PLPP1: variants seen among roughly 807,000 people sequenced by gnomAD.
PLPP1 encodes lipid phosphate phosphohydrolase 1a.
In PLPP1, 24 loss-of-function variants were observed where a neutral mutation model predicts 31.2. That is an observed-to-expected ratio of 0.77 (90% CI 0.56 to 1.08). PLPP1 has a LOEUF of 1.08. PLPP1 is among the 50% of genes least tolerant of loss of function. The pLI, the probability that PLPP1 is intolerant of heterozygous loss-of-function variation, is 0.00. For missense variants in PLPP1, 319 were observed against 342.7 expected (o/e 0.93, Z 0.55); for synonymous variants, 146 against 126.3 (o/e 1.16, Z -1.05).
intron 1 of PLPP1, among the ~76,000 whole-genome samples, chr5:55,482,609 A>C (rs1752694819): frequency 6.6e-6 from 1 of 152,144 alleles, no homozygotes; most frequent in Admixed American, 6.6e-5. Flanking sequence ...ATGACAAACA[A>C]ATGTGAGCAA....
At chr5:55,466,834 G>GT (rs1428971716) in intron 3 of PLPP1, among the ~76,000 whole-genome samples, 1 of 151,712 alleles carries the variant, frequency 6.6e-6, no homozygotes, top group East Asian at 1.9e-4. Flanking sequence ...AACAAAGGAT[G>GT]TTTTACCCAA....
chr5:55,485,004 G>T (rs1323736985), intron 1 of PLPP1: 1 of 152,100 alleles, frequency 6.6e-6, no homozygotes, highest in Non-Finnish European at 1.5e-5. Flanking sequence ...CATTCAGGCT[G>T]CCCCCCACCC....
intron 1 of PLPP1, chr5:55,530,010 C>G (rs1023475966): frequency 1.8e-6 from 1 of 568,928 alleles, no homozygotes; most frequent in African/African-American, 1.9e-5. Context: ...TTTTTAGAAG[C>G]CCTACCTTTA....
chr5:55,463,397 C>T (rs1752211829), intron 3 of PLPP1, among the ~76,000 whole-genome samples: 1 of 152,086 alleles, frequency 6.6e-6, no homozygotes, highest in Admixed American at 6.6e-5. Context: ...AGCGGTGGCT[C>T]ACGCGTGTAA....
chr5:55,530,433 T>C (rs777616855), intron 1 of PLPP1: 2 of 1,265,870 alleles, frequency 1.6e-6, no homozygotes, highest in Non-Finnish European at 1.2e-6. Context: ...ATAAGTAGGA[T>C]GACCAGAAGA....
intron 1 of PLPP1, among the ~76,000 whole-genome samples, chr5:55,529,636 AATAC>A (rs1478191508): frequency 1.3e-5 from 2 of 152,216 alleles, no homozygotes; most frequent in Non-Finnish European, 2.9e-5. Flanking sequence ...ATGTTATATA[AATAC>A]GATTTTCTTA....
chr5:55,464,504 G>A lies in PLPP1; in HGVS notation c.491+3365C>T, dbSNP rs116821153. Among the ~76,000 whole-genome samples, 612 of 152,098 alleles carry A rather than the reference G, an allele frequency of 4.0e-3. 4 individuals carry two copies. Among genetic ancestry groups the A allele is most frequent in the African/African-American group, 0.014 (584 of 41,496 alleles). On this transcript the variant is annotated intron_variant, in intron 3 of 5. Coordinates refer to ENST00000307259, the MANE Select transcript of PLPP1 (RefSeq NM_003711.4). Reference sequence around the variant, plus strand: ...ACCCAGCCTTGGCCTCCCAAAGTTCGGACATTACAGGTGTGAGCCACCATA... The same window carrying A: ...ACCCAGCCTTGGCCTCCCAAAGTTCAGACATTACAGGTGTGAGCCACCATA...
intron 2 of PLPP1, among the ~76,000 whole-genome samples, chr5:55,473,096 GT>G (rs1370883496): frequency 1.1e-3 from 169 of 152,296 alleles, no homozygotes; most frequent in African/African-American, 4.0e-3. Flanking sequence ...TACTAAAAAT[GT>G]TATATTTAAT....
At chr5:55,428,501 T>C (rs1043623981) in intron 4 of PLPP1, among the ~76,000 whole-genome samples, 1 of 152,206 alleles carries the variant, frequency 6.6e-6, no homozygotes, top group Non-Finnish European at 1.5e-5. Context: ...CCAGCAAAAG[T>C]TTCCTATATG....
intron 1 of PLPP1, among the ~76,000 whole-genome samples, chr5:55,481,222 T>G (rs1752661896): frequency 6.6e-6 from 1 of 152,212 alleles, no homozygotes; most frequent in Non-Finnish European, 1.5e-5. Context: ...TTAGAAATAT[T>G]GGTGCTGGGG....
intron 3 of PLPP1, among the ~76,000 whole-genome samples, chr5:55,444,740 A>G (rs1220882506): frequency 1.2e-4 from 2 of 16,454 alleles, no homozygotes; most frequent in Non-Finnish European, 2.1e-4. Context: ...ATGGGATTCT[A>G]TTTTGTGTGT....
At chr5:55,475,564 G>A (rs192945591) in intron 1 of PLPP1, 114 bp from the exon 2 acceptor site, 279 of 927,380 alleles carry the variant, frequency 3.0e-4, no homozygotes, top group Middle Eastern at 2.6e-3. Context: ...GAAAATAAAT[G>A]AGAGCACATG....
At chr5:55,514,730 ATACT>A (rs775468429) in intron 1 of PLPP1, among the ~76,000 whole-genome samples, 178 of 152,354 alleles carry the variant, frequency 1.2e-3, no homozygotes, top group Non-Finnish European at 2.0e-3. Flanking sequence ...GACTGGCAAA[ATACT>A]TATTTATTGG....
intron 2 of PLPP1, 100 bp downstream of exon 2, chr5:55,475,199 A>C: frequency 9.3e-7 from 1 of 1,080,224 alleles, no homozygotes; most frequent in South Asian, 1.9e-5. Flanking sequence ...AAAAGCATAC[A>C]TTGTTTTTGG....
At chr5:55,511,305 T>C (rs1314735717) in intron 1 of PLPP1, among the ~76,000 whole-genome samples, 1 of 152,158 alleles carries the variant, frequency 6.6e-6, no homozygotes, top group Non-Finnish European at 1.5e-5. Flanking sequence ...AAGGACGTTG[T>C]ACACAGCATA....
chr5:55,458,887 C>T (rs1236798258), intron 3 of PLPP1, among the ~76,000 whole-genome samples: 1 of 21,098 alleles, frequency 4.7e-5, no homozygotes, highest in Non-Finnish European at 1.4e-4. Flanking sequence ...ACCCTGTCTC[C>T]AAAAAAAAAA....
At chr5:55,479,919 CTA>C in intron 1 of PLPP1, among the ~76,000 whole-genome samples, 1 of 152,204 alleles carries the variant, frequency 6.6e-6, no homozygotes, top group South Asian at 2.1e-4. Context: ...GTTTGCATTT[CTA>C]GTTATTTCCT....
In PLPP1 at chr5:55,532,282, A is replaced by T. The variant is rs79432531; in HGVS notation, c.58+2290T>A. Among the ~76,000 whole-genome samples, 519 of 152,196 alleles carry T rather than the reference A, an allele frequency of 3.4e-3. 1 individual carries two copies. The highest frequency in any genetic ancestry group is 0.012 in the African/African-American group (485 of 41,520). On this transcript the variant is annotated intron_variant, in intron 1 of 5. Coordinates refer to ENST00000307259, the MANE Select transcript of PLPP1 (RefSeq NM_003711.4). ...CTTTGTGTTTAATACCATTAGCTTC[A>T]GCTACCTCAGAGCAGTATTATGTTT...
At chr5:55,444,814 G>A (rs1018193001) in intron 3 of PLPP1, among the ~76,000 whole-genome samples, 1 of 143,934 alleles carries the variant, frequency 6.9e-6, no homozygotes, top group African/African-American at 2.6e-5. Flanking sequence ...GCAGTGGCGT[G>A]ATTTGGCTCA....
Sources: allele counts gnomAD v4.1 joint callset (sites outside exome capture counted in the v4.1 genomes callset), GRCh38; gene constraint gnomAD v4.1.1; transcripts MANE v1.5; gene names NCBI Gene and HGNC (gene_info 2026-07-23, HGNC 2026-07-21).